RPL24: variants seen among roughly 807,000 people sequenced by gnomAD.
RPL24 encodes ribosomal protein L24.
In RPL24, 7 loss-of-function variants were observed where a neutral mutation model predicts 26.4. That is an observed-to-expected ratio of 0.27 (90% CI 0.15 to 0.50). The LOEUF (loss-of-function observed/expected upper bound fraction) is 0.50, where lower values mean the gene tolerates loss of function less well. RPL24 is among the 20% of genes least tolerant of loss of function. The pLI is 0.98. For synonymous variants in RPL24, 67 were observed against 65.2 expected (o/e 1.03, Z -0.13); for missense variants, 109 against 194.9 (o/e 0.56, Z 2.62).
intron 3 of RPL24, among the ~76,000 whole-genome samples, chr3:101,683,760 G>GT (rs1269762321): frequency 6.7e-6 from 1 of 148,170 alleles, no homozygotes; most frequent in African/African-American, 2.5e-5. Flanking sequence ...CCAGGCTGGA[G>GT]TGCAGTGGCA....
At chr3:101,682,334 G>T in intron 5 of RPL24, 95 bp downstream of exon 5, 1 of 972,316 alleles carries the variant, frequency 1.0e-6, no homozygotes, top group Non-Finnish European at 1.7e-6. Context: ...TCACGCCACT[G>T]CACCCCATCC....
chr3:101,685,595 G>A (rs998438342), intron 3 of RPL24, among the ~76,000 whole-genome samples: 1 of 152,184 alleles, frequency 6.6e-6, no homozygotes, highest in East Asian at 1.9e-4. Flanking sequence ...ACGCAAAGGT[G>A]CTTAACGTAA....
At chr3:101,686,193 T>A (rs1038712642) in intron 2 of RPL24, 2 of 576,596 alleles carry the variant, frequency 3.5e-6, no homozygotes, top group South Asian at 2.2e-5. Context: ...GGAAGCATTC[T>A]GCTCTTGTCC....
At position 101,686,531 on chromosome 3, in the gene RPL24, T is replaced by C; in HGVS notation, c.32A>G (p.Tyr11Cys). 2 of 1,614,164 alleles carry C rather than the reference T, an allele frequency of 1.2e-6. No homozygotes were observed. Among genetic ancestry groups the C allele is most frequent in the South Asian group, 1.1e-5 (1 of 91,080 alleles). MKVELCSFSG[Y>C]KIYPGHGRRY... ...CCTCCCGTGTCCGGGGTAGATCTTG[T>C]ACCCGCTAAAACTGCACAGCTCGAC... Residue 11 changes from tyrosine to cysteine, a missense_variant, in exon 2 of 6, where the codon TAC (tyrosine) becomes TGC (cysteine). Physicochemically the swap from Tyr to Cys is radical, Grantham distance 194 (BLOSUM62 -2). Transcript: ENST00000394077.
chr3:101,686,628 T>C, intron 1 of RPL24, 44 bp downstream of exon 1: 1 of 1,614,228 alleles, frequency 6.2e-7, no homozygotes, highest in Non-Finnish European at 8.5e-7. Context: ...AGAGGAGTTC[T>C]GCCCGAGGAT....
rs775392583 is a variant in RPL24 at position 101,686,502 on chromosome 3, A to G, written c.61T>C (p.Tyr21His). 6.2e-7 allele frequency: 1 copy of G among 1,614,162 alleles called. No homozygotes were observed. The highest frequency in any genetic ancestry group is 1.7e-5 in the Admixed American group (1 of 60,018). The part of the protein sequence containing the change: ...YKIYPGHGRR[Y>H]ARTDGKVFQF... ...TTTACCTTCCCGTCGGTCCTGGCGTAGCGCCTCCCGTGTCCGGGGTAGATC... is the reference window on the plus strand; with the variant it reads ...TTTACCTTCCCGTCGGTCCTGGCGTGGCGCCTCCCGTGTCCGGGGTAGATC... Residue 21 changes from tyrosine (Y) to histidine (H), a missense_variant, in exon 2 of 6, where the codon TAC (tyrosine) becomes CAC (histidine). By Grantham distance (83) the Tyr-to-His change is moderately conservative (BLOSUM62 2). Coordinates refer to ENST00000394077, the MANE Select transcript of RPL24 (RefSeq NM_000986.4).
At chr3:101,682,364 C>A (rs767849556) in intron 5 of RPL24, 65 bp downstream of exon 5, 1 of 1,275,956 alleles carries the variant, frequency 7.8e-7, no homozygotes, top group Admixed American at 1.7e-5. Context: ...GAGCAAGACT[C>A]CGTCTCAAAA....
chr3:101,682,492 C>T lies in RPL24; in HGVS notation c.330G>A (p.Arg110=). ...TAGCCTTTTTTGCTTCCTTAGCAGC[C>T]CTGTGGGGTAAAAGTAACTTAAGGC... ...VRKAQREQAI[R]AAKEAKKAKQ... Residue 110 remains arginine (R), a splice_region_variant and synonymous_variant, in exon 5 of 6, where the codon AGG becomes AGA. Transcript: ENST00000394077. 6.2e-7 allele frequency: 1 copy of T among 1,612,104 alleles called. No homozygotes were observed.
chr3:101,685,056 G>A lies in RPL24; in HGVS notation c.192+762C>T, dbSNP rs114699656. Among the ~76,000 whole-genome samples, 1,385 of 151,994 alleles carry A rather than the reference G, an allele frequency of 9.1e-3. 22 individuals are homozygous for A. The highest frequency in any genetic ancestry group is 0.032 in the African/African-American group (1,333 of 41,446). On this transcript the variant is annotated intron_variant, in intron 3 of 5. Coordinates refer to ENST00000394077, the MANE Select transcript of RPL24 (RefSeq NM_000986.4). ...TATAACTTAGAAGTGGAACTGCTGG[G>A]ATAATTTTTATGTTTACCCTTTTGA...
At chr3:101,685,740 A>G (rs1385638581) in intron 3 of RPL24, 78 bp downstream of exon 3, 2 of 738,744 alleles carry the variant, frequency 2.7e-6, no homozygotes, top group African/African-American at 1.8e-5. Flanking sequence ...ATTTAATTTT[A>G]CAGAGCAGAA....
chr3:101,682,778 C>T lies in RPL24; in HGVS notation c.322G>A (p.Ala108Thr). 6.2e-7 allele frequency: 1 copy of T among 1,612,806 alleles called. No individual in the cohort carries two copies. Among genetic ancestry groups the T allele is most frequent in the Non-Finnish European group, 8.5e-7 (1 of 1,179,798 alleles). Residue 108 changes from alanine to threonine, a missense_variant, in exon 4 of 6, where the codon GCT becomes ACT. This residue lies in a region of RPL24 where 39 missense variants were observed against 80.3 expected (regional missense o/e 0.49). Transcript: ENST00000394077. ...PEVRKAQREQ[A>T]IRAAKEAKKA... Reference sequence around the variant, plus strand: ...AATGAAAGCATTCCTCACCTGATAGCTTGTTCTCGTTGAGCCTTTCTAACT... The same window carrying T: ...AATGAAAGCATTCCTCACCTGATAGTTTGTTCTCGTTGAGCCTTTCTAACT...
At position 101,681,501 on chromosome 3, in the gene RPL24, G is replaced by GT. The variant is rs572086541; in HGVS notation, c.394-287dup. ...ACAGAAACTCACAGAAAAGATCTCAGTAACAGTACAGTGTTTACTCAGCTT... is the reference window on the plus strand; with the variant it reads ...ACAGAAACTCACAGAAAAGATCTCAGTTAACAGTACAGTGTTTACTCAGCTT... On this transcript the variant is annotated intron_variant, in intron 5 of 5. Coordinates refer to ENST00000394077, the MANE Select transcript of RPL24 (RefSeq NM_000986.4). 1.3e-3 allele frequency: 494 copies of GT among 384,156 alleles called. 5 individuals carry two copies. Among genetic ancestry groups the GT allele is most frequent in the African/African-American group, 8.6e-3 (418 of 48,474 alleles). The allele number at this position is 384,156 out of a possible 1,614,324, so 23.8% of individuals were successfully genotyped here. A position where few individuals can be genotyped will look rare whatever the true frequency, so the allele number is the denominator to read the frequency against.
At chr3:101,686,622 G>A (rs1022232243) in intron 1 of RPL24, 50 bp downstream of exon 1, 2 of 1,614,012 alleles carry the variant, frequency 1.2e-6, no homozygotes, top group Non-Finnish European at 1.7e-6. Context: ...CGACAGAGAG[G>A]AGTTCTGCCC....
Position 101,682,922 on chromosome 3 carries a change from T to C in RPL24, c.193-15A>G, listed in dbSNP as rs748955312. 2.3e-5 allele frequency: 37 copies of C among 1,612,132 alleles called. No individual in the cohort carries two copies. The highest frequency in any genetic ancestry group is 4.5e-5 in the East Asian group (2 of 44,834). On this transcript the variant is annotated splice_polypyrimidine_tract_variant and intron_variant, in intron 3 of 5. Coordinates refer to ENST00000394077, the MANE Select transcript of RPL24 (RefSeq NM_000986.4). ...TGAATTTCTTCCTGCAAAACAAAGA[T>C]GAGGGGCACACTTAGGAACCTTCCT... is the stretch of plus-strand genomic sequence containing the variant.
chr3:101,681,845 G>C (rs1937267411), intron 5 of RPL24: 1 of 144,024 alleles, frequency 6.9e-6, no homozygotes, highest in African/African-American at 2.5e-5. Flanking sequence ...GTGTTGAAGG[G>C]GGAAAAAAAC....
rs745518518 is a variant in RPL24 at position 101,682,402 on chromosome 3, A to G, written c.393+27T>C. On this transcript the variant is annotated intron_variant, in intron 5 of 5. Transcript: ENST00000394077. ...AGAAAATTTTCCTGTTGTATTGTTC[A>G]AGAAAGTAAAGAAACCCCATAATTA... is the stretch of plus-strand genomic sequence containing the variant. 2.5e-6 allele frequency: 4 copies of G among 1,586,272 alleles called. No homozygotes were observed. The South Asian group carries it at 4.4e-5, about 18-fold the overall frequency.
At chr3:101,685,718 G>A (rs1035569772) in intron 3 of RPL24, 100 bp downstream of exon 3, 4 of 612,018 alleles carry the variant, frequency 6.5e-6, no homozygotes, top group South Asian at 2.1e-5. Flanking sequence ...GAGCTCTTTC[G>A]CATACAGTCT....
At chr3:101,683,027 A>G (rs1576658290) in intron 3 of RPL24, 120 bp from the exon 4 acceptor site, 3 of 857,088 alleles carry the variant, frequency 3.5e-6, no homozygotes, top group African/African-American at 1.7e-5. Context: ...TTCAACAAAA[A>G]ATAATTCATA....
At chr3:101,686,608 G>A in intron 1 of RPL24, 51 bp from the exon 2 acceptor site, 1 of 1,614,108 alleles carries the variant, frequency 6.2e-7, no homozygotes, top group East Asian at 2.2e-5. Context: ...AGCCATGCCA[G>A]GGACGACAGA....
Sources: allele counts gnomAD v4.1 joint callset (sites outside exome capture counted in the v4.1 genomes callset), GRCh38; gene constraint gnomAD v4.1.1; regional missense constraint gnomAD v4.1.1; transcripts MANE v1.5; gene names NCBI Gene and HGNC (gene_info 2026-07-23, HGNC 2026-07-21).